The following HIVEP3 variants were observed in gnomAD, a reference collection of about 807,000 sequenced individuals.
The protein encoded by HIVEP3 is transcription factor HIVEP3.
A neutral mutation model predicts 152.8 loss-of-function variants in HIVEP3; 49 were observed. The ratio of observed to expected loss-of-function variants is 0.32; its 90% CI spans 0.26 to 0.41. The LOEUF is 0.41. Among genes scored for constraint, HIVEP3 ranks in the 10% least tolerant of loss-of-function variants. HIVEP3 has a pLI of 1.00. For missense variants in HIVEP3, 2,790 were observed against 3,103.3 expected (o/e 0.90, Z 2.40); for synonymous variants, 1,269 against 1,289.0 (o/e 0.98, Z 0.33).
At chr1:41,768,009 T>C (rs1315713720) in intron 1 of HIVEP3, among the ~76,000 whole-genome samples, 1 of 152,226 alleles carries the variant, frequency 6.6e-6, no homozygotes, top group Non-Finnish European at 1.5e-5. Context: ...CATCATTCAT[T>C]GTCATTTACA....
chr1:41,786,580 C>T (rs1649360386), intron 1 of HIVEP3, among the ~76,000 whole-genome samples: 1 of 152,220 alleles, frequency 6.6e-6, no homozygotes, highest in African/African-American at 2.4e-5. Flanking sequence ...TGTACTGTCC[C>T]TGGCTGCTTC....
At chr1:41,968,943 T>A (rs1381198069) in intron 1 of HIVEP3, among the ~76,000 whole-genome samples, 1 of 152,126 alleles carries the variant, frequency 6.6e-6, no homozygotes, top group Non-Finnish European at 1.5e-5. Context: ...AAATCATGAA[T>A]GAATTCCCAT....
chr1:41,857,827 T>C (rs549776355), intron 1 of HIVEP3, among the ~76,000 whole-genome samples: 1 of 152,178 alleles, frequency 6.6e-6, no homozygotes, highest in South Asian at 2.1e-4. Flanking sequence ...AGACTGGAGT[T>C]TCAATGTATG....
rs1349012209 is a variant in HIVEP3 at position 41,545,195 on chromosome 1, C to T, written c.5208-20285G>A. On this transcript the variant is annotated intron_variant, in intron 5 of 8. Coordinates refer to ENST00000372583, the MANE Select transcript of HIVEP3 (RefSeq NM_024503.5). ...CTACCATTACCACCATCACCAACAC[C>T]ACCACCACCACTATCGCCACCACCA... is the stretch of plus-strand genomic sequence containing the variant. Among the ~76,000 whole-genome samples the T allele has an allele frequency of 5.9e-4, 80 of 135,732 alleles. 3 individuals carry two copies. The highest frequency in any genetic ancestry group is 3.2e-5 in the African/African-American group (1 of 31,004). The allele number at this position is 135,732 out of a possible 152,430, so 89.0% of individuals were successfully genotyped here.
chr1:41,510,280 A>G lies in HIVEP3; in HGVS notation c.*171T>C. 2.2e-6 allele frequency: 1 copy of G among 448,926 alleles called. No individual in the cohort carries two copies. 27.8% of individuals were successfully genotyped at this position (448,926 alleles called of 1,614,324 possible). On this transcript the variant is annotated 3_prime_UTR_variant, in exon 9 of 9. Transcript: ENST00000372583. Reference sequence around the variant, plus strand: ...TTTCTTTTTAAGCAACAAAAGGTGTAGAAAAAGGCACAGGTAACTGCATAC... The same window carrying G: ...TTTCTTTTTAAGCAACAAAAGGTGTGGAAAAAGGCACAGGTAACTGCATAC...
intron 1 of HIVEP3, among the ~76,000 whole-genome samples, chr1:41,949,565 G>A (rs552245882): frequency 2.0e-5 from 3 of 152,200 alleles, no homozygotes; most frequent in African/African-American, 7.2e-5. Flanking sequence ...GAAAGTTAAA[G>A]AAATTCGAGA....
chr1:41,687,506 G>A (rs1166205874), intron 2 of HIVEP3, among the ~76,000 whole-genome samples: 2 of 152,258 alleles, frequency 1.3e-5, no homozygotes, highest in Admixed American at 1.3e-4. Context: ...GGACCTCGCA[G>A]AGAGGCTGTA....
intron 8 of HIVEP3, 126 bp downstream of exon 8, chr1:41,512,690 A>C: frequency 1.3e-6 from 1 of 786,556 alleles, no homozygotes; most frequent in Non-Finnish European, 1.9e-6. Flanking sequence ...ATGTTTGCGA[A>C]ATTATTAATA....
At chr1:41,958,749 T>G (rs1005535765) in intron 1 of HIVEP3, among the ~76,000 whole-genome samples, 5 of 152,218 alleles carry the variant, frequency 3.3e-5, no homozygotes, top group African/African-American at 1.2e-4. Flanking sequence ...GAAGCAGGAC[T>G]GTTCACCCAC....
chr1:41,723,185 T>G (rs2124171994), intron 1 of HIVEP3, among the ~76,000 whole-genome samples: 1 of 152,196 alleles, frequency 6.6e-6, no homozygotes, highest in Non-Finnish European at 1.5e-5. Context: ...GAAATCCAGG[T>G]AAGACAAGGC....
intron 1 of HIVEP3, among the ~76,000 whole-genome samples, chr1:41,857,679 A>G (rs1643805792): frequency 6.6e-6 from 1 of 152,146 alleles, no homozygotes; most frequent in African/African-American, 2.4e-5. Flanking sequence ...CCTATGAGGT[A>G]TGCATCCTCA....
chr1:41,817,580 C>A (rs1642449972), intron 1 of HIVEP3, among the ~76,000 whole-genome samples: 1 of 152,104 alleles, frequency 6.6e-6, no homozygotes, highest in East Asian at 1.9e-4. Flanking sequence ...TCAGTGGGAT[C>A]CCAGGTCACC....
Position 41,637,511 on chromosome 1 carries a change from C to G in HIVEP3, c.-720-8564G>C, listed in dbSNP as rs537110767. ...TTCTGCCCCCATTTTCCATCTGAGG[C>G]CTACAGAGGCTAAGGCCTGACCAAG... On this transcript the variant is annotated intron_variant, in intron 2 of 8. Coordinates refer to ENST00000372583, the MANE Select transcript of HIVEP3 (RefSeq NM_024503.5). Among the ~76,000 whole-genome samples the G allele has an allele frequency of 6.6e-5, 10 of 152,290 alleles. No homozygotes were observed. In the South Asian group the frequency reaches 1.0e-3, roughly 16 times the overall value.
intron 1 of HIVEP3, among the ~76,000 whole-genome samples, chr1:41,859,909 A>G (rs560816564): frequency 2.2e-4 from 33 of 152,280 alleles, no homozygotes; most frequent in African/African-American, 7.9e-4. Context: ...TGAACTCCCT[A>G]CCGCTGGGAA....
chr1:41,563,823 T>A (rs554251360), intron 5 of HIVEP3, among the ~76,000 whole-genome samples: 1 of 152,016 alleles, frequency 6.6e-6, no homozygotes, highest in East Asian at 1.9e-4. Flanking sequence ...ACAACTAACG[T>A]TAATAGCCTT....
At chr1:41,651,815 C>A (rs565960300) in intron 2 of HIVEP3, among the ~76,000 whole-genome samples, 19 of 152,286 alleles carry the variant, frequency 1.2e-4, no homozygotes, top group Non-Finnish European at 2.6e-4. Context: ...CAGTAACAAT[C>A]TCATTTTTAA....
intron 3 of HIVEP3, among the ~76,000 whole-genome samples, chr1:41,627,937 T>C (rs116293919): frequency 7.0e-6 from 1 of 142,144 alleles, no homozygotes; most frequent in Non-Finnish European, 1.5e-5. Flanking sequence ...CTCTTTCTAA[T>C]CCCCAGCTCT....
In HIVEP3 at chr1:41,545,736, A is replaced by G. The variant is rs373597905; in HGVS notation, c.5208-20826T>C. Among the ~76,000 whole-genome samples the G allele has an allele frequency of 4.9e-4, 71 of 144,482 alleles. 1 individual carries two copies. In the East Asian group the frequency reaches 0.013, roughly 26 times the overall value. The allele number at this position is 144,482 out of a possible 152,430, so 94.8% of individuals were successfully genotyped here. On this transcript the variant is annotated intron_variant, in intron 5 of 8. Coordinates refer to ENST00000372583, the MANE Select transcript of HIVEP3 (RefSeq NM_024503.5). ...CACCACCACCAATACCACTACCATC[A>G]CCACCATCACCACTGCCACCACCAC...
At chr1:41,529,233 C>T (rs1643150128) in intron 5 of HIVEP3, among the ~76,000 whole-genome samples, 1 of 137,948 alleles carries the variant, frequency 7.2e-6, no homozygotes, top group African/African-American at 3.1e-5. Context: ...CTCACACATG[C>T]TCACACCCCC....
Sources: allele counts gnomAD v4.1 joint callset (sites outside exome capture counted in the v4.1 genomes callset), GRCh38; gene constraint gnomAD v4.1.1; transcripts MANE v1.5; gene names NCBI Gene and HGNC (gene_info 2026-07-23, HGNC 2026-07-21).